Variants in IL11 observed in about 807,000 individuals in gnomAD.
IL11 encodes interleukin 11, also known as interleukin-11.
IL11 carries 17 observed loss-of-function variants against 18.1 expected under a neutral mutation model. The observed-to-expected ratio is 0.94, with a 90% confidence interval of 0.64 to 1.41. IL11 has a LOEUF of 1.41. Ranked by LOEUF, IL11 falls within the 40% of genes most tolerant of loss-of-function variation. The pLI is 0.00. For missense variants in IL11, 309 were observed against 262.8 expected (o/e 1.18, Z -1.22); for synonymous variants, 144 against 134.1 (o/e 1.07, Z -0.51).
At chr19:55,368,044 G>A (rs2089796352) in intron 4 of IL11, among the ~76,000 whole-genome samples, 166 bp downstream of exon 4, 1 of 151,890 alleles carries the variant, frequency 6.6e-6, no homozygotes, top group African/African-American at 2.4e-5. Context: ...CTCAGAGCGG[G>A]GCTGTTACGG....
At chr19:55,370,115 C>G (rs2089813484) in intron 1 of IL11, among the ~76,000 whole-genome samples, 189 bp downstream of exon 1, 2 of 152,104 alleles carry the variant, frequency 1.3e-5, no homozygotes, top group Non-Finnish European at 2.9e-5. Flanking sequence ...TGCCTCCATC[C>G]GCTCCTGTCT....
chr19:55,369,047 C>T lies in IL11; in HGVS notation c.8-106G>A. ...GAGGGAGGAGGAACTGGGGTCTGGA[C>T]TCCTCCTGGGTCTGAGGGAGGAGAG... On this transcript the variant is annotated intron_variant, in intron 1 of 4. Transcript: ENST00000264563. This position sits in a 1 kb window ranked among gnomAD's most constrained non-coding sequence, Gnocchi z 6.1. 3 of 1,043,812 alleles carry T rather than the reference C, an allele frequency of 2.9e-6. No individual in the cohort carries two copies. Among genetic ancestry groups the T allele is most frequent in the African/African-American group, 3.4e-5 (2 of 59,674 alleles). 64.7% of individuals were successfully genotyped at this position (1,043,812 alleles called of 1,614,324 possible).
At chr19:55,368,666 G>C in intron 2 of IL11, 97 bp from the exon 3 acceptor site, 1 of 1,485,474 alleles carries the variant, frequency 6.7e-7, no homozygotes, top group Non-Finnish European at 9.1e-7. Flanking sequence ...CCCTCACTCT[G>C]CCACCTGAGA....
rs1243172520 is a variant in IL11 at position 55,366,955 on chromosome 19, C to T, written c.430-778G>A. Among the ~76,000 whole-genome samples, 4 of 152,158 alleles carry T rather than the reference C, an allele frequency of 2.6e-5. No individual in the cohort carries two copies. Among genetic ancestry groups the T allele is most frequent in the Non-Finnish European group, 5.9e-5 (4 of 68,024 alleles). On this transcript the variant is annotated intron_variant, in intron 4 of 4. Transcript: ENST00000264563. This position sits in a 1 kb window ranked among gnomAD's most constrained non-coding sequence, Gnocchi z 4.6. Reference sequence around the variant, plus strand: ...TACAGGAGTGAGCCACTGCTCCCCACCAGAGCTGGGGTTTTACAGACAGTA... The same window carrying T: ...TACAGGAGTGAGCCACTGCTCCCCATCAGAGCTGGGGTTTTACAGACAGTA...
rs533866922 is a variant in IL11, at chr19:55,365,447, C to T, written c.*560G>A. 8.9e-4 allele frequency: 144 copies of T among 160,984 alleles called. No homozygotes were observed. Among genetic ancestry groups the T allele is most frequent in the Non-Finnish European group, 1.6e-3 (117 of 74,514 alleles). 10.0% of individuals were successfully genotyped at this position (160,984 alleles called of 1,614,324 possible). A position where few individuals can be genotyped will look rare whatever the true frequency, so the allele number is the denominator to read the frequency against. On this transcript the variant is annotated 3_prime_UTR_variant, in exon 5 of 5. Coordinates refer to ENST00000264563, the MANE Select transcript of IL11 (RefSeq NM_000641.4). ...CTGGGTGACCGACCCATCTCCCAGT[C>T]GCTGCCCCGCCCACTCGGGACCTCC...
rs1390224528 is a variant in IL11, at chr19:55,368,836, T to G, written c.113A>C (p.Glu38Ala). 2 of 1,590,486 alleles carry G rather than the reference T, an allele frequency of 1.3e-6. No homozygotes were observed. The highest frequency in any genetic ancestry group is 2.3e-5 in the East Asian group (1 of 44,148). ...PPRVSPDPRA[E>A]LDSTVLLTRS... is the part of the protein sequence containing the mutation. ...GGTCAGGAGCACGGTGCTGTCCAGC[T>G]CGGCCCGAGGGTCTGGGGAAACTCG... Residue 38 changes from glutamate to alanine, a missense_variant, in exon 2 of 5, where the codon GAG (glutamate) becomes GCG (alanine). Transcript: ENST00000264563.
rs960481707 is a variant in IL11, at chr19:55,366,297, G to C, written c.430-120C>G. 4 of 1,055,094 alleles carry C rather than the reference G, an allele frequency of 3.8e-6. No homozygotes were observed. Among genetic ancestry groups the C allele is most frequent in the Non-Finnish European group, 2.6e-6 (2 of 765,764 alleles). 65.4% of individuals were successfully genotyped at this position (1,055,094 alleles called of 1,614,324 possible). On this transcript the variant is annotated intron_variant, in intron 4 of 4. Coordinates refer to ENST00000264563, the MANE Select transcript of IL11 (RefSeq NM_000641.4). The surrounding 1 kb of genome is among the most constrained non-coding windows in gnomAD (Gnocchi z 4.6). ...TATTCACAGGGGGACTGTGGCGCGT[G>C]GGGTGAAGTGTTTAGGCCGGGAGCT...
At position 55,370,429 on chromosome 19, in the gene IL11, G is replaced by A. The variant is rs2089815976; in HGVS notation, c.-119C>T. 4.2e-6 allele frequency: 3 copies of A among 710,884 alleles called. No homozygotes were observed. Among genetic ancestry groups the A allele is most frequent in the Non-Finnish European group, 6.3e-6 (3 of 473,046 alleles). 44.0% of individuals were successfully genotyped at this position (710,884 alleles called of 1,614,324 possible). The stretch of plus-strand genomic sequence containing the variant: ...CAGCTGGGCCGCGGCCTGGGGAGGG[G>A]AGGCATGTGCCCTGAGCAGCAGGGC... On this transcript the variant is annotated 5_prime_UTR_variant, in exon 1 of 5. Transcript: ENST00000264563.
chr19:55,368,714 C>A, intron 2 of IL11, 55 bp downstream of exon 2: 1 of 1,523,598 alleles, frequency 6.6e-7, no homozygotes, highest in Non-Finnish European at 8.9e-7. Context: ...GCAGACTCCT[C>A]TCCGTTCCTC....
intron 4 of IL11, among the ~76,000 whole-genome samples, chr19:55,367,323 C>A (rs941836554): frequency 1.3e-5 from 2 of 151,568 alleles, no homozygotes; most frequent in African/African-American, 4.9e-5. Flanking sequence ...GTTTGTACAG[C>A]CAGGGTCCCA....
intron 1 of IL11, 24 bp from the exon 2 acceptor site, chr19:55,368,965 G>C: frequency 6.8e-7 from 1 of 1,468,822 alleles, no homozygotes; most frequent in Non-Finnish European, 9.0e-7. Context: ...AAGGCAGAGA[G>C]CTCAGGCTGG....
Position 55,369,533 on chromosome 19 carries a change from G to C in IL11, c.8-592C>G, listed in dbSNP as rs369996714. Among the ~76,000 whole-genome samples, 1 of 151,426 alleles carries C rather than the reference G, an allele frequency of 6.6e-6. No homozygotes were observed. The highest frequency in any genetic ancestry group is 2.0e-4 in the East Asian group (1 of 5,096). On this transcript the variant is annotated intron_variant, in intron 1 of 4. Transcript: ENST00000264563. The surrounding 1 kb of genome is among the most constrained non-coding windows in gnomAD (Gnocchi z 6.1). ...CTCCCAGGAGCCCCGCCGGGTGGGC[G>C]GCAGAAGCCCGGGCCGCAGCGCACC...
rs73617839 is a variant in IL11, at chr19:55,369,857, C to G, written c.7+447G>C. Among the ~76,000 whole-genome samples the G allele has an allele frequency of 6.6e-5, 10 of 151,852 alleles. No individual in the cohort carries two copies. The highest frequency in any genetic ancestry group is 2.4e-4 in the African/African-American group (10 of 41,410). On this transcript the variant is annotated intron_variant, in intron 1 of 4. Coordinates refer to ENST00000264563, the MANE Select transcript of IL11 (RefSeq NM_000641.4). This position sits in a 1 kb window ranked among gnomAD's most constrained non-coding sequence, Gnocchi z 6.1. Reference sequence around the variant, plus strand: ...CCCGCGCCCAGTCTCTCTCCTCCCCCCGGCTGGGGTCGCTACTCCCTGGCT... The same window carrying G: ...CCCGCGCCCAGTCTCTCTCCTCCCCGCGGCTGGGGTCGCTACTCCCTGGCT...
At position 55,368,797 on chromosome 19, in the gene IL11, G is replaced by C; in HGVS notation, c.152C>G (p.Ala51Gly). ...STVLLTRSLL[A>G]DTRQLAAQLR... Reference sequence around the variant, plus strand: ...CTGTGCAGCCAGCTGCCGCGTGTCCGCCAGGAGAGAGCGGGTCAGGAGCAC... The same window carrying C: ...CTGTGCAGCCAGCTGCCGCGTGTCCCCCAGGAGAGAGCGGGTCAGGAGCAC... The change falls in exon 2 of 5, where the codon GCG becomes GGG. Residue 51 changes from alanine (A) to glycine (G), a missense_variant. Transcript: ENST00000264563. The C allele has an allele frequency of 6.3e-7, 1 of 1,591,074 alleles. No individual in the cohort carries two copies. The highest frequency in any genetic ancestry group is 8.5e-7 in the Non-Finnish European group (1 of 1,169,604).
intron 4 of IL11, among the ~76,000 whole-genome samples, chr19:55,367,389 A>C (rs576745706): frequency 4.0e-5 from 6 of 148,216 alleles, no homozygotes; most frequent in Non-Finnish European, 7.4e-5. Flanking sequence ...TTAAGATGTC[A>C]GGATCTCAGG....
chr19:55,368,301 C>T lies in IL11; in HGVS notation c.338G>A (p.Arg113Gln), dbSNP rs752519118. The T allele has an allele frequency of 2.2e-5, 35 of 1,579,428 alleles. No individual in the cohort carries two copies. The South Asian group carries it at 3.2e-4, about 15-fold the overall frequency. ...SYLRHVQWLR[R>Q]AGGSSLKTLE... ...GGTCTTCAGGGAAGAGCCACCTGCC[C>T]GGCGCAGCCACTGCACGTGCCGCAG... Residue 113 changes from arginine (R) to glutamine (Q), a missense_variant, in exon 4 of 5, where the codon CGG (arginine) becomes CAG (glutamine). Transcript: ENST00000264563.
rs746444559 is a variant in IL11, at chr19:55,368,245, G to A, written c.394C>T (p.Arg132Ter). 5.2e-6 allele frequency: 8 copies of A among 1,543,742 alleles called. No individual in the cohort carries two copies. Among genetic ancestry groups the A allele is most frequent in the Non-Finnish European group, 3.5e-6 (4 of 1,142,792 alleles). The part of the protein sequence containing the change: ...LEPELGTLQA[R>*]LDRLLRRLQL... ...AGCCGGCGCAGCAGCCGGTCCAGTC[G>A]GGCCTGCAGGGTGCCCAGCTCGGGC... The change falls in exon 4 of 5, where the codon CGA (arginine) becomes TGA (stop). Residue 132 changes from arginine (R) to a stop codon, truncating the protein, a stop_gained. Coordinates refer to ENST00000264563, the MANE Select transcript of IL11 (RefSeq NM_000641.4). LOFTEE classifies it high-confidence loss of function.
chr19:55,367,518 T>C (rs1167135198), intron 4 of IL11, among the ~76,000 whole-genome samples: 2 of 137,364 alleles, frequency 1.5e-5, no homozygotes, highest in Non-Finnish European at 3.1e-5. Flanking sequence ...TGGAGTGTAA[T>C]GGTGCGATCT....
rs981649881 is a variant in IL11 at position 55,364,677 on chromosome 19, G to C, written c.*1330C>G. 1 of 152,050 alleles carries C rather than the reference G, an allele frequency of 6.6e-6. No homozygotes were observed. Among genetic ancestry groups the C allele is most frequent in the Non-Finnish European group, 1.5e-5 (1 of 68,012 alleles). 9.4% of individuals were successfully genotyped at this position (152,050 alleles called of 1,614,324 possible). A position where few individuals can be genotyped will look rare whatever the true frequency, so the allele number is the denominator to read the frequency against. On this transcript the variant is annotated 3_prime_UTR_variant, in exon 5 of 5. Transcript: ENST00000264563. ...CATCATTCTTTCTTTTTTGAGACAGGGTTTTGCCATGTCTCGCAGGCCGGT... is the reference window on the plus strand; with the variant it reads ...CATCATTCTTTCTTTTTTGAGACAGCGTTTTGCCATGTCTCGCAGGCCGGT...
Sources: gnomAD v4.1 joint callset for allele counts (sites outside exome capture counted in the v4.1 genomes callset) on GRCh38, gnomAD v4.1.1 for gene constraint, Gnocchi (gnomAD v3.1) non-coding constraint, MANE v1.5 for transcripts, NCBI Gene and HGNC (gene_info 2026-07-23, HGNC 2026-07-21) for gene names.